Variants in ADGRB3 observed in about 807,000 individuals in gnomAD.
ADGRB3 encodes the protein adhesion G protein-coupled receptor B3, also known as brain-specific angiogenesis inhibitor 3.
Under a neutral mutation model 193.4 loss-of-function variants are expected in ADGRB3, and 37 were observed. The ratio of observed to expected loss-of-function variants is 0.19; its 90% confidence interval spans 0.15 to 0.25. The LOEUF (loss-of-function observed/expected upper bound fraction) is 0.25, where lower values mean the gene tolerates loss of function less well. Ranked by LOEUF, ADGRB3 falls within the 10% of genes least tolerant of loss-of-function variation. ADGRB3 has a pLI of 1.00. For missense variants in ADGRB3, 1,637 were observed against 1,852.9 expected (o/e 0.88, Z 2.14); for synonymous variants, 690 against 644.2 (o/e 1.07, Z -1.08).
At chr6:69,171,236 G>C (rs1300201720) in intron 17 of ADGRB3, among the ~76,000 whole-genome samples, 1 of 152,102 alleles carries the variant, frequency 6.6e-6, no homozygotes, top group Non-Finnish European at 1.5e-5. Flanking sequence ...AGCCACATAT[G>C]GCTAATGACT....
Position 69,388,819 on chromosome 6 carries a change from G to A in ADGRB3, c.4497G>A (p.Arg1499=). Residue 1499 remains arginine (R), a synonymous_variant, in exon 32 of 32, where the codon AGG becomes AGA. Coordinates refer to ENST00000370598, the MANE Select transcript of ADGRB3 (RefSeq NM_001704.3). ...AGGCAAAGGATGCTTTGGAACTGAG[G>A]CCAGCAGAGTGGGAGAAGTGTCTGA... is the stretch of plus-strand genomic sequence containing the variant. ...DTEAKDALEL[R]PAEWEKCLNL... 2 of 1,613,552 alleles carry A rather than the reference G, an allele frequency of 1.2e-6. No individual in the cohort carries two copies. Among genetic ancestry groups the A allele is most frequent in the Non-Finnish European group, 1.7e-6 (2 of 1,179,652 alleles).
intron 17 of ADGRB3, among the ~76,000 whole-genome samples, chr6:69,139,174 C>T (rs1041789184): frequency 4.6e-5 from 7 of 152,186 alleles, no homozygotes; most frequent in Admixed American, 2.6e-4. Context: ...AGCGCTTTAC[C>T]GGGGCTGCCC....
intron 12 of ADGRB3, among the ~76,000 whole-genome samples, chr6:69,014,446 C>G (rs1293186333): frequency 6.6e-6 from 1 of 151,580 alleles, no homozygotes; most frequent in Non-Finnish European, 1.5e-5. Flanking sequence ...AAGTATGGAG[C>G]TTTGACTAGT....
At position 69,170,014 on chromosome 6, in the gene ADGRB3, A is replaced by G. The variant is rs187857355; in HGVS notation, c.2481-63276A>G. 2.6e-5 allele frequency among the ~76,000 whole-genome samples: 4 copies of G among 152,272 alleles called. No individual in the cohort carries two copies. In the East Asian group the frequency reaches 7.7e-4, roughly 29 times the overall value. On this transcript the variant is annotated intron_variant, in intron 17 of 31. Coordinates refer to ENST00000370598, the MANE Select transcript of ADGRB3 (RefSeq NM_001704.3). ...AGATCGAGAAAACCATTCAGGCTTTAGGAAGCACTAGTAGTTCTAAGTACA... is the reference window on the plus strand; with the variant it reads ...AGATCGAGAAAACCATTCAGGCTTTGGGAAGCACTAGTAGTTCTAAGTACA...
intron 3 of ADGRB3, among the ~76,000 whole-genome samples, chr6:68,748,315 G>A (rs960050085): frequency 3.9e-5 from 6 of 152,110 alleles, no homozygotes; most frequent in African/African-American, 1.2e-4. Flanking sequence ...AGTCCCTTCT[G>A]CCTATGAGCC....
At chr6:68,669,042 GA>G (rs1165336634) in intron 3 of ADGRB3, among the ~76,000 whole-genome samples, 21 of 151,852 alleles carry the variant, frequency 1.4e-4, no homozygotes, top group Non-Finnish European at 2.9e-5. Flanking sequence ...AAATATTTGT[GA>G]ATGTATGTAT....
At position 69,145,108 on chromosome 6, in the gene ADGRB3, G is replaced by A. The variant is rs527596851; in HGVS notation, c.2480+69070G>A. On this transcript the variant is annotated intron_variant, in intron 17 of 31. Coordinates refer to ENST00000370598, the MANE Select transcript of ADGRB3 (RefSeq NM_001704.3). ...TCTGTGGCCAGTGGCACCTTTGCCC[G>A]AGTTTTGCTTGCGCCCACTGGGCCC... Among the ~76,000 whole-genome samples, 6 of 152,264 alleles carry A rather than the reference G, an allele frequency of 3.9e-5. No homozygotes were observed. The East Asian group carries it at 5.8e-4, about 15-fold the overall frequency.
intron 8 of ADGRB3, among the ~76,000 whole-genome samples, chr6:68,968,025 A>G (rs1953613): frequency 0.62 from 94,339 of 151,946 alleles, 30,077 homozygotes; most frequent in Middle Eastern, 0.76. Flanking sequence ...CAGTGGAGCA[A>G]GGAAGAGGAG....
At chr6:69,179,038 T>C (rs1704034997) in intron 17 of ADGRB3, among the ~76,000 whole-genome samples, 1 of 152,222 alleles carries the variant, frequency 6.6e-6, no homozygotes, top group South Asian at 2.1e-4. Context: ...GTCAAGTATG[T>C]ATTCCAGGTT....
intron 20 of ADGRB3, among the ~76,000 whole-genome samples, chr6:69,260,167 T>A (rs61412028): frequency 0.14 from 21,320 of 152,174 alleles, 1,556 homozygotes; most frequent in Middle Eastern, 0.16. Context: ...TAACAGTCAA[T>A]TTTCTATTAA....
intron 29 of ADGRB3, among the ~76,000 whole-genome samples, chr6:69,367,154 G>A (rs1769589510): frequency 1.3e-5 from 2 of 152,128 alleles, no homozygotes; most frequent in African/African-American, 4.8e-5. Context: ...GAAACTGTAA[G>A]TGCAGTGATC....
chr6:69,333,793 G>A (rs1768777876), intron 24 of ADGRB3, among the ~76,000 whole-genome samples: 2 of 151,096 alleles, frequency 1.3e-5, no homozygotes, highest in African/African-American at 2.4e-5. Flanking sequence ...AGCCGGGCGA[G>A]GTGGTGGGCG....
At chr6:69,375,290 T>C (rs535578072) in intron 30 of ADGRB3, among the ~76,000 whole-genome samples, 1 of 152,202 alleles carries the variant, frequency 6.6e-6, no homozygotes, top group East Asian at 1.9e-4. Context: ...AAGATGAGGA[T>C]AGATTGTAGC....
At chr6:69,291,111 T>G (rs756613465) in intron 20 of ADGRB3, among the ~76,000 whole-genome samples, 5 of 152,172 alleles carry the variant, frequency 3.3e-5, no homozygotes, top group Non-Finnish European at 7.4e-5. Flanking sequence ...TCCTAATGCT[T>G]CTTGGATTAA....
At chr6:69,201,261 G>A (rs1343052171) in intron 17 of ADGRB3, among the ~76,000 whole-genome samples, 1 of 151,982 alleles carries the variant, frequency 6.6e-6, no homozygotes, top group East Asian at 1.9e-4. Context: ...TCCACAAGAT[G>A]GTCTACACCT....
chr6:69,115,128 A>C (rs915176899), intron 17 of ADGRB3, among the ~76,000 whole-genome samples: 5 of 152,218 alleles, frequency 3.3e-5, no homozygotes, highest in Admixed American at 6.5e-5. Flanking sequence ...TCATTCTACT[A>C]TAAAGACACA....
intron 3 of ADGRB3, among the ~76,000 whole-genome samples, chr6:68,895,975 T>C (rs1262881478): frequency 6.6e-6 from 1 of 152,050 alleles, no homozygotes; most frequent in Non-Finnish European, 1.5e-5. Context: ...ACAGTGGTAT[T>C]TCTTTGTGTG....
intron 29 of ADGRB3, among the ~76,000 whole-genome samples, chr6:69,368,360 A>G (rs1769628807): frequency 6.6e-6 from 1 of 152,116 alleles, no homozygotes; most frequent in Non-Finnish European, 1.5e-5. Context: ...GAAAGTGGAG[A>G]TAGAAAACAG....
chr6:69,060,395 T>C (rs1180148536), intron 15 of ADGRB3, among the ~76,000 whole-genome samples: 1 of 151,994 alleles, frequency 6.6e-6, no homozygotes, highest in Non-Finnish European at 1.5e-5. Context: ...GTAGCTACTT[T>C]GCTCCTTACA....
Sources: gnomAD v4.1 joint callset for allele counts (sites outside exome capture counted in the v4.1 genomes callset) on GRCh38, gnomAD v4.1.1 for gene constraint, MANE v1.5 for transcripts, NCBI Gene and HGNC (gene_info 2026-07-23, HGNC 2026-07-21) for gene names.